TNFSF4: variants seen among roughly 807,000 people sequenced by gnomAD.
TNFSF4 encodes the protein TNF superfamily member 4.
A neutral mutation model predicts 7.3 loss-of-function variants in TNFSF4; 4 were observed. The ratio of observed to expected loss-of-function variants is 0.55; its 90% CI spans 0.27 to 1.25. The LOEUF (loss-of-function observed/expected upper bound fraction) is 1.25, where lower values mean the gene tolerates loss of function less well. Ranked by LOEUF, TNFSF4 falls within the 50% of genes most tolerant of loss-of-function variation. TNFSF4 has a pLI of 0.12. For missense variants in TNFSF4, 181 were observed against 208.8 expected (o/e 0.87, Z 0.82); for synonymous variants, 76 against 83.7 (o/e 0.91, Z 0.50).
the TNFSF4 span, among the ~76,000 whole-genome samples, chr1:173,220,515 G>A: frequency 5.0e-4 from 76 of 152,250 alleles, no homozygotes; most frequent in Non-Finnish European, 7.5e-4. Flanking sequence ...TAGTGTTATG[G>A]ACTGAATATT....
the TNFSF4 span, among the ~76,000 whole-genome samples, chr1:173,393,309 G>A: frequency 2.6e-5 from 4 of 152,246 alleles, no homozygotes; most frequent in Non-Finnish European, 4.4e-5. Flanking sequence ...TGAGTCATTC[G>A]TGACATTTTC....
Position 173,186,410 on chromosome 1 carries a change from G to C in TNFSF4, c.*106C>G. On this transcript the variant is annotated 3_prime_UTR_variant, in exon 3 of 3. Transcript: ENST00000281834. ...ATCTGCTTCTTGTCACATCCCACGT[G>C]GCTGAGCTGGGAGGCTCCTTCACTT... 1 of 897,736 alleles carries C rather than the reference G, an allele frequency of 1.1e-6. No individual in the cohort carries two copies. Among genetic ancestry groups the C allele is most frequent in the Admixed American group, 2.7e-5 (1 of 37,390 alleles). 55.6% of individuals were successfully genotyped at this position (897,736 alleles called of 1,614,324 possible).
At chr1:173,305,681 T>C in the TNFSF4 span, among the ~76,000 whole-genome samples, 1 of 151,228 alleles carries the variant, frequency 6.6e-6, no homozygotes, top group South Asian at 2.1e-4. Context: ...TACCCGAGAC[T>C]GGGTAATTTA....
intron 1 of TNFSF4, among the ~76,000 whole-genome samples, chr1:173,194,880 CAAAAAA>C (rs11406483): frequency 1.3e-5 from 1 of 74,342 alleles, no homozygotes; most frequent in Non-Finnish European, 2.7e-5. Context: ...GAACTTGTCT[CAAAAAA>C]AAAAAAAAAA....
At chr1:173,300,114 GAT>G in the TNFSF4 span, among the ~76,000 whole-genome samples, 54 of 144,820 alleles carry the variant, frequency 3.7e-4, 1 homozygote, top group Non-Finnish European at 1.5e-5. Flanking sequence ...TAGATAGATA[GAT>G]AGATAGATAG....
At chr1:173,303,125 A>G in the TNFSF4 span, among the ~76,000 whole-genome samples, 3 of 151,918 alleles carry the variant, frequency 2.0e-5, no homozygotes, top group African/African-American at 7.2e-5. Flanking sequence ...ACTCTCTTAC[A>G]GACTGAGTTT....
At chr1:173,363,967 T>C in the TNFSF4 span, among the ~76,000 whole-genome samples, 2 of 152,160 alleles carry the variant, frequency 1.3e-5, no homozygotes, top group East Asian at 3.8e-4. Context: ...TGTGACCATG[T>C]GAAAGCCAAC....
the TNFSF4 span, among the ~76,000 whole-genome samples, chr1:173,402,779 G>A: frequency 1.3e-5 from 2 of 152,188 alleles, no homozygotes; most frequent in Non-Finnish European, 2.9e-5. Flanking sequence ...ATCCCCTGGA[G>A]GGCTTGTAGG....
At chr1:173,204,500 A>G (rs1292743397) in intron 1 of TNFSF4, among the ~76,000 whole-genome samples, 3 of 152,196 alleles carry the variant, frequency 2.0e-5, no homozygotes, top group South Asian at 2.1e-4. Flanking sequence ...CTTGGTAGCT[A>G]TATCTGTATT....
At chr1:173,448,533 G>C in the TNFSF4 span, among the ~76,000 whole-genome samples, 2 of 152,142 alleles carry the variant, frequency 1.3e-5, no homozygotes, top group Non-Finnish European at 2.9e-5. Context: ...GGGAGATAGG[G>C]GTGGGGCCAT....
At chr1:173,337,388 G>C in the TNFSF4 span, among the ~76,000 whole-genome samples, 1 of 152,102 alleles carries the variant, frequency 6.6e-6, no homozygotes, top group African/African-American at 2.4e-5. Context: ...ATCATCAAAG[G>C]GAAGTGGTAA....
chr1:173,295,422 C>T, the TNFSF4 span, among the ~76,000 whole-genome samples: 1 of 151,990 alleles, frequency 6.6e-6, no homozygotes, highest in Non-Finnish European at 1.5e-5. Flanking sequence ...AATCATTGTT[C>T]AAAGAAGTGC....
chr1:173,434,209 T>C, the TNFSF4 span, among the ~76,000 whole-genome samples: 5 of 152,248 alleles, frequency 3.3e-5, no homozygotes, highest in Non-Finnish European at 7.3e-5. Flanking sequence ...AGAAAACTAA[T>C]GCACAGTTGT....
the TNFSF4 span, among the ~76,000 whole-genome samples, chr1:173,220,122 T>C: frequency 1.3e-5 from 2 of 152,196 alleles, no homozygotes; most frequent in African/African-American, 4.8e-5. Context: ...TCAAAGTGGT[T>C]TCTTTGCAGT....
At chr1:173,446,176 A>G in the TNFSF4 span, among the ~76,000 whole-genome samples, 4 of 152,154 alleles carry the variant, frequency 2.6e-5, no homozygotes, top group Admixed American at 1.3e-4. Flanking sequence ...TTTTAAGGCA[A>G]CTATCGTAAC....
the TNFSF4 span, among the ~76,000 whole-genome samples, chr1:173,360,742 C>G: frequency 6.6e-6 from 1 of 152,184 alleles, no homozygotes; most frequent in Non-Finnish European, 1.5e-5. Flanking sequence ...GAGCAGGACT[C>G]ACTGTGCGGG....
the TNFSF4 span, among the ~76,000 whole-genome samples, chr1:173,304,813 G>A: frequency 6.6e-6 from 1 of 151,984 alleles, no homozygotes; most frequent in Non-Finnish European, 1.5e-5. Flanking sequence ...TCATAACCTA[G>A]TGTCAGAAGC....
At chr1:173,197,471 G>A (rs1231680505) in intron 1 of TNFSF4, among the ~76,000 whole-genome samples, 5 of 152,224 alleles carry the variant, frequency 3.3e-5, no homozygotes, top group Non-Finnish European at 5.9e-5. Flanking sequence ...GAAAGAAAAT[G>A]TGGTACATAT....
chr1:173,275,889 A>G, the TNFSF4 span, among the ~76,000 whole-genome samples: 1 of 152,144 alleles, frequency 6.6e-6, no homozygotes, highest in East Asian at 1.9e-4. Flanking sequence ...ATATGACACT[A>G]TTCTAGTAGC....
Sources: gnomAD v4.1 joint callset for allele counts (sites outside exome capture counted in the v4.1 genomes callset) on GRCh38, gnomAD v4.1.1 for gene constraint, MANE v1.5 for transcripts, NCBI Gene and HGNC (gene_info 2026-07-23, HGNC 2026-07-21) for gene names.